Variants in OTUD7B observed in about 807,000 individuals in gnomAD.
OTUD7B encodes OTU domain-containing protein 7B.
In OTUD7B, 34 loss-of-function variants were observed where a neutral mutation model predicts 82.2. That is an observed-to-expected ratio of 0.41 (90% CI 0.31 to 0.55). OTUD7B has a LOEUF of 0.55. OTUD7B is among the 20% of genes least tolerant of loss of function. The pLI is 0.20. For synonymous variants in OTUD7B, 398 were observed against 402.7 expected (o/e 0.99, Z 0.14); for missense variants, 944 against 1,062.1 (o/e 0.89, Z 1.55).
upstream of OTUD7B, among the ~76,000 whole-genome samples, chr1:150,012,347 T>C (rs1267775204): frequency 1.3e-5 from 2 of 152,126 alleles, no homozygotes; most frequent in Admixed American, 1.3e-4. Flanking sequence ...GAAAATACTT[T>C]AGAATGAAAA....
intron 1 of OTUD7B, among the ~76,000 whole-genome samples, chr1:149,983,144 T>G (rs369527795): frequency 6.6e-6 from 1 of 152,194 alleles, no homozygotes; most frequent in Non-Finnish European, 1.5e-5. Flanking sequence ...CGTGAGCCAC[T>G]GCGCCCGGCC....
chr1:150,015,568 C>T (rs1653243621), upstream of OTUD7B, among the ~76,000 whole-genome samples: 1 of 152,028 alleles, frequency 6.6e-6, no homozygotes, highest in Non-Finnish European at 1.5e-5. Flanking sequence ...AGCGTGAGCC[C>T]AAAGTGCTGA....
At chr1:149,999,607 T>C (rs1035418697) in intron 1 of OTUD7B, among the ~76,000 whole-genome samples, 7 of 152,202 alleles carry the variant, frequency 4.6e-5, no homozygotes, top group Non-Finnish European at 8.8e-5. Flanking sequence ...CACACACCTA[T>C]AGTCCCAGCT....
intron 6 of OTUD7B, chr1:149,963,843 T>G (rs1176393692): frequency 5.9e-6 from 1 of 169,528 alleles, no homozygotes; most frequent in African/African-American, 2.4e-5. Context: ...CACATTTCTA[T>G]AGGGGCTGAA....
chr1:149,999,536 T>C (rs1330537480), intron 1 of OTUD7B, among the ~76,000 whole-genome samples: 1 of 152,148 alleles, frequency 6.6e-6, no homozygotes, highest in Non-Finnish European at 1.5e-5. Flanking sequence ...ATGCTCACAA[T>C]GGAACACATA....
At chr1:150,059,764 A>G in the OTUD7B span, among the ~76,000 whole-genome samples, 5 of 152,336 alleles carry the variant, frequency 3.3e-5, no homozygotes, top group African/African-American at 4.8e-5. Flanking sequence ...CACACTGCCT[A>G]TGGAGCAGCC....
chr1:150,013,655 G>T (rs1559874737), upstream of OTUD7B, among the ~76,000 whole-genome samples: 1 of 151,886 alleles, frequency 6.6e-6, no homozygotes, highest in Non-Finnish European at 1.5e-5. Context: ...GGGAGCAGTG[G>T]CTCACGCTTG....
chr1:149,991,447 C>T lies in OTUD7B; in HGVS notation c.-66-13871G>A, dbSNP rs1469107154. 2.0e-5 allele frequency among the ~76,000 whole-genome samples: 3 copies of T among 152,174 alleles called. 1 individual carries two copies. Among genetic ancestry groups the T allele is most frequent in the African/African-American group, 7.2e-5 (3 of 41,444 alleles). On this transcript the variant is annotated intron_variant, in intron 1 of 11. Coordinates refer to ENST00000581312, the MANE Select transcript of OTUD7B (RefSeq NM_020205.4). ...CTGATAGTTCTAGTTTACCTGGGAA[C>T]ATAGAATATATACTTCATTTATATA...
At chr1:150,015,430 A>G (rs1394909907), upstream of OTUD7B, among the ~76,000 whole-genome samples, 10 of 151,262 alleles carry the variant, frequency 6.6e-5, no homozygotes, top group Admixed American at 6.6e-4. Context: ...AGTACCTGGG[A>G]TTACAGGCAC....
intron 1 of OTUD7B, among the ~76,000 whole-genome samples, chr1:149,993,345 C>CT (rs1447952142): frequency 6.6e-6 from 1 of 152,176 alleles, no homozygotes; most frequent in African/African-American, 2.4e-5. Flanking sequence ...AAAAAGCATT[C>CT]TTAATGCCAG....
the OTUD7B span, among the ~76,000 whole-genome samples, chr1:150,059,296 A>AC: frequency 0.012 from 84 of 6,782 alleles, 7 homozygotes; most frequent in South Asian, 0.067. Context: ...CTCGTGATCC[A>AC]CCCCCCCCCC....
chr1:149,944,784 C>T lies in OTUD7B; in HGVS notation c.1605G>A (p.Val535=), dbSNP rs1647575296. Residue 535 remains valine (V), a synonymous_variant, in exon 12 of 12, where the codon GTG becomes GTA. Coordinates refer to ENST00000581312, the MANE Select transcript of OTUD7B (RefSeq NM_020205.4). ...MHSKGSKPGG[V]GTGLGGSSGT... is the part of the protein sequence containing the mutation. ...CGCTGCTTCCTCCCAACCCTGTCCC[C>T]ACCCCTCCAGGCTTTGAACCCTTGC... The T allele has an allele frequency of 1.2e-6, 2 of 1,614,130 alleles. No homozygotes were observed.
At chr1:149,963,186 A>G (rs1553775869) in intron 6 of OTUD7B, 1 of 152,240 alleles carries the variant, frequency 6.6e-6, no homozygotes, top group Non-Finnish European at 1.5e-5. Flanking sequence ...AAATGAGAAA[A>G]AAAGAAAGGT....
At chr1:149,996,465 G>GT (rs1271362319) in intron 1 of OTUD7B, among the ~76,000 whole-genome samples, 1 of 152,130 alleles carries the variant, frequency 6.6e-6, no homozygotes, top group Non-Finnish European at 1.5e-5. Flanking sequence ...GTGGCATAAT[G>GT]TAACAATGGT....
At position 149,957,192 on chromosome 1, in the gene OTUD7B, T is replaced by C. The variant is rs146092896; in HGVS notation, c.845+2492A>G. ...GGTTTTATCTACCTTTGGTCTTTGA[T>C]GATGGTGACATACAGATGGGGTATT... On this transcript the variant is annotated intron_variant, in intron 7 of 11. Coordinates refer to ENST00000581312, the MANE Select transcript of OTUD7B (RefSeq NM_020205.4). Among the ~76,000 whole-genome samples the C allele has an allele frequency of 2.0e-3, 301 of 151,036 alleles. 5 individuals are homozygous for C. The East Asian group carries it at 0.049, about 25-fold the overall frequency.
chr1:149,951,888 TCAAC>T (rs1648280068), intron 7 of OTUD7B, among the ~76,000 whole-genome samples: 1 of 26,942 alleles, frequency 3.7e-5, no homozygotes, highest in Admixed American at 6.0e-4. Flanking sequence ...AAACACATGG[TCAAC>T]CTTTTTTTTT....
intron 2 of OTUD7B, among the ~76,000 whole-genome samples, chr1:149,977,149 T>A (rs1201178303): frequency 1.3e-5 from 2 of 152,136 alleles, no homozygotes. Flanking sequence ...TAAAATAAAA[T>A]AAAATTATGT....
chr1:150,059,441 C>T, the OTUD7B span, among the ~76,000 whole-genome samples: 3 of 151,014 alleles, frequency 2.0e-5, 1 homozygote, highest in East Asian at 1.9e-4. Context: ...GCAATCTCGG[C>T]TCACCGCCTC....
chr1:149,968,952 G>A (rs7543861), intron 3 of OTUD7B, among the ~76,000 whole-genome samples: 2,900 of 152,132 alleles, frequency 0.019, 78 homozygotes, highest in African/African-American at 0.063. Context: ...CCTGGCCTCA[G>A]GTGATCTGCC....
Sources: gnomAD v4.1 joint callset for allele counts (sites outside exome capture counted in the v4.1 genomes callset) on GRCh38, gnomAD v4.1.1 for gene constraint, MANE v1.5 for transcripts, NCBI Gene and HGNC (gene_info 2026-07-23, HGNC 2026-07-21) for gene names.